The following CES5A variants were observed in gnomAD, a reference collection of about 807,000 sequenced individuals.
The protein encoded by CES5A is carboxylesterase 5.
Under a neutral mutation model 62.9 loss-of-function variants are expected in CES5A, and 67 were observed. The observed-to-expected ratio is 1.07, with a 90% confidence interval of 0.88 to 1.31. The LOEUF is 1.31. Among genes scored for constraint, CES5A ranks in the 50% most tolerant of loss-of-function variants. CES5A has a pLI of 0.00. For synonymous variants in CES5A, 296 were observed against 280.8 expected (o/e 1.05, Z -0.54); for missense variants, 748 against 708.5 (o/e 1.06, Z -0.63).
intron 1 of CES5A, among the ~76,000 whole-genome samples, chr16:55,881,207 G>T (rs2033758099): frequency 6.6e-6 from 1 of 152,138 alleles, no homozygotes. Flanking sequence ...CCAAGATAAA[G>T]CTTTTCCTCA....
chr16:55,846,360 A>C lies in CES5A; in HGVS notation c.*91T>G. On this transcript the variant is annotated 3_prime_UTR_variant, in exon 13 of 13. Transcript: ENST00000290567. ...AGCAGCTTGTTTTGCAAGGATCCCC[A>C]TAGAAAGCAGCTGAGCTCAGAAAGA... 1.0e-6 allele frequency: 1 copy of C among 972,884 alleles called. No homozygotes were observed. The highest frequency in any genetic ancestry group is 2.1e-5 in the Admixed American group (1 of 46,574). The allele number at this position is 972,884 out of a possible 1,614,324, so 60.3% of individuals were successfully genotyped here. A position where few individuals can be genotyped will look rare whatever the true frequency, so the allele number is the denominator to read the frequency against.
intron 1 of CES5A, among the ~76,000 whole-genome samples, chr16:55,888,656 A>G (rs1174944104): frequency 6.6e-6 from 1 of 152,178 alleles, no homozygotes; most frequent in Non-Finnish European, 1.5e-5. Flanking sequence ...CCAGACTAAG[A>G]TTTCCATTTT....
At chr16:55,854,590 A>G (rs530762522) in intron 9 of CES5A, among the ~76,000 whole-genome samples, 1 of 109,694 alleles carries the variant, frequency 9.1e-6, no homozygotes, top group South Asian at 3.3e-4. Flanking sequence ...TGCCCAGGCT[A>G]GAGTACAGTG....
intron 2 of CES5A, among the ~76,000 whole-genome samples, chr16:55,942,203 T>C (rs1390825040): frequency 6.6e-6 from 1 of 152,166 alleles, no homozygotes; most frequent in Non-Finnish European, 1.5e-5. Flanking sequence ...TCACGAAGCA[T>C]AATGAAAACA....
intron 1 of CES5A, among the ~76,000 whole-genome samples, chr16:55,886,051 G>A (rs1479559448): frequency 1.3e-5 from 2 of 152,174 alleles, no homozygotes; most frequent in African/African-American, 2.4e-5. Flanking sequence ...GGTTCCCCAC[G>A]GCTAGCTGGT....
At chr16:55,921,803 A>C (rs1056359230) in intron 1 of CES5A, among the ~76,000 whole-genome samples, 1 of 152,074 alleles carries the variant, frequency 6.6e-6, no homozygotes, top group Admixed American at 6.5e-5. Flanking sequence ...TATCAAAACA[A>C]TAATAGCTAC....
At chr16:55,884,778 G>C (rs140012676) in intron 1 of CES5A, among the ~76,000 whole-genome samples, 1 of 152,014 alleles carries the variant, frequency 6.6e-6, no homozygotes, top group Non-Finnish European at 1.5e-5. Flanking sequence ...TTTGTGTAGA[G>C]ACAGTGCCTC....
chr16:55,949,814 T>A, exon 2 of CES5A: 1 of 1,511,336 alleles, frequency 6.6e-7, no homozygotes, highest in Non-Finnish European at 8.8e-7. Context: ...GTTTAAGACA[T>A]CAATCCTCAA....
chr16:55,921,048 T>C (rs1359951452), intron 1 of CES5A, among the ~76,000 whole-genome samples: 1 of 152,158 alleles, frequency 6.6e-6, no homozygotes, highest in African/African-American at 2.4e-5. Flanking sequence ...AGCTTGAAGA[T>C]AGGCTTTTGA....
chr16:55,900,466 A>G (rs2033979341), intron 1 of CES5A, among the ~76,000 whole-genome samples: 1 of 152,204 alleles, frequency 6.6e-6, no homozygotes, highest in Non-Finnish European at 1.5e-5. Flanking sequence ...GCCCCAATGG[A>G]TAAGGAGCCT....
At chr16:55,898,230 G>A (rs2033954058) in intron 1 of CES5A, among the ~76,000 whole-genome samples, 1 of 152,158 alleles carries the variant, frequency 6.6e-6, no homozygotes, top group Non-Finnish European at 1.5e-5. Context: ...AAAAGCAATA[G>A]TGGGTAATTC....
At chr16:55,885,864 C>A (rs1186406333) in intron 1 of CES5A, among the ~76,000 whole-genome samples, 1 of 152,190 alleles carries the variant, frequency 6.6e-6, no homozygotes, top group Non-Finnish European at 1.5e-5. Context: ...CCATTATGAG[C>A]TGAGTATTTT....
chr16:55,884,873 G>GGAGC (rs1408077209), intron 1 of CES5A, among the ~76,000 whole-genome samples: 1 of 152,036 alleles, frequency 6.6e-6, no homozygotes, highest in Admixed American at 6.6e-5. Flanking sequence ...ATTACAGGAG[G>GGAGC]GAGCCACTGT....
chr16:55,931,128 C>T (rs1360839734), intron 2 of CES5A, among the ~76,000 whole-genome samples: 1 of 152,190 alleles, frequency 6.6e-6, no homozygotes, highest in Non-Finnish European at 1.5e-5. Flanking sequence ...GTTCTTGACT[C>T]CTAGTCCAGT....
At chr16:55,949,127 A>T (rs1225121327) in intron 2 of CES5A, among the ~76,000 whole-genome samples, 1 of 152,208 alleles carries the variant, frequency 6.6e-6, no homozygotes, top group African/African-American at 2.4e-5. Context: ...ATGCTCAATC[A>T]TAGGTTGGGA....
At chr16:55,871,248 C>A (rs149680122) in intron 3 of CES5A, among the ~76,000 whole-genome samples, 1 of 152,252 alleles carries the variant, frequency 6.6e-6, no homozygotes, top group African/African-American at 2.4e-5. Context: ...GATTACCTGA[C>A]TGTCTTCATT....
intron 1 of CES5A, among the ~76,000 whole-genome samples, chr16:55,897,376 C>T (rs1362396): frequency 1.3e-5 from 2 of 151,932 alleles, no homozygotes; most frequent in Admixed American, 1.3e-4. Flanking sequence ...AGAGTACTTA[C>T]AGAAGGGGGA....
intron 1 of CES5A, among the ~76,000 whole-genome samples, chr16:55,889,122 G>A (rs180968500): frequency 1.1e-4 from 17 of 151,584 alleles, no homozygotes; most frequent in African/African-American, 2.9e-4. Flanking sequence ...AACTGGATAC[G>A]GGCCTAAGAC....
At chr16:55,862,980 G>C (rs1301680344) in intron 6 of CES5A, among the ~76,000 whole-genome samples, 1 of 152,184 alleles carries the variant, frequency 6.6e-6, no homozygotes, top group Non-Finnish European at 1.5e-5. Flanking sequence ...GCTGGAAACA[G>C]CCTCTGAATC....
Sources: allele counts gnomAD v4.1 joint callset (sites outside exome capture counted in the v4.1 genomes callset), GRCh38; gene constraint gnomAD v4.1.1; transcripts MANE v1.5; gene names NCBI Gene and HGNC (gene_info 2026-07-23, HGNC 2026-07-21).